SLC25A48: variants seen among roughly 807,000 people sequenced by gnomAD.
SLC25A48 encodes CTC-321K16.1.
Under a neutral mutation model 32.2 loss-of-function variants are expected in SLC25A48, and 29 were observed. That is an observed-to-expected ratio of 0.90 (90% CI 0.67 to 1.23). The LOEUF is 1.23. Ranked by LOEUF, SLC25A48 falls within the 50% of genes most tolerant of loss-of-function variation. SLC25A48 has a pLI of 0.00. For missense variants in SLC25A48, 399 were observed against 422.7 expected (o/e 0.94, Z 0.49); for synonymous variants, 164 against 172.3 (o/e 0.95, Z 0.38).
intron 3 of SLC25A48, among the ~76,000 whole-genome samples, chr5:135,770,198 G>A (rs1269819917): frequency 1.3e-5 from 2 of 151,612 alleles, no homozygotes; most frequent in East Asian, 3.9e-4. Flanking sequence ...AATATCGCAG[G>A]GGGTGTACAC....
At chr5:135,797,319 A>G (rs1294897937) in intron 3 of SLC25A48, among the ~76,000 whole-genome samples, 1 of 151,930 alleles carries the variant, frequency 6.6e-6, no homozygotes, top group Non-Finnish European at 1.5e-5. Flanking sequence ...TCTAATATCC[A>G]CAGAAGGATA....
In SLC25A48 at chr5:135,852,898, T is replaced by C; in HGVS notation, c.421+77T>C. The C allele has an allele frequency of 4.0e-6, 6 of 1,507,736 alleles. No homozygotes were observed. The South Asian group carries it at 7.8e-5, about 20-fold the overall frequency. The allele number at this position is 1,507,736 out of a possible 1,614,324, so 93.4% of individuals were successfully genotyped here. On this transcript the variant is annotated intron_variant, in intron 4 of 7. Transcript: ENST00000681962. Reference sequence around the variant, plus strand: ...TGGTTTGTGGGATCTGGGACATGGTTGTTAAAATCCTTTTATTGAGCAAGG... The same window carrying C: ...TGGTTTGTGGGATCTGGGACATGGTCGTTAAAATCCTTTTATTGAGCAAGG...
chr5:135,786,332 C>CGTGTGTGT (rs1756848687), intron 3 of SLC25A48, among the ~76,000 whole-genome samples: 1 of 151,966 alleles, frequency 6.6e-6, no homozygotes, highest in African/African-American at 2.4e-5. Context: ...GTGTGTACAC[C>CGTGTGTGT]ATGTGTGTAC....
chr5:135,714,032 A>T (rs17168963), intron 3 of SLC25A48, among the ~76,000 whole-genome samples: 8,972 of 152,250 alleles, frequency 0.059, 411 homozygotes, highest in African/African-American at 0.13. Context: ...GGCTTATTGA[A>T]AATGGTCTCC....
At chr5:135,787,696 C>G (rs537466917) in intron 3 of SLC25A48, among the ~76,000 whole-genome samples, 1 of 151,656 alleles carries the variant, frequency 6.6e-6, no homozygotes, top group East Asian at 1.9e-4. Context: ...TGGGGGTGTA[C>G]ACTGTGATAT....
At chr5:135,656,255 C>T (rs1370798437) in intron 3 of SLC25A48, among the ~76,000 whole-genome samples, 1 of 151,334 alleles carries the variant, frequency 6.6e-6, no homozygotes, top group Admixed American at 6.6e-5. Flanking sequence ...GTTCTCAGGA[C>T]CACATTGGCC....
intron 1 of SLC25A48, among the ~76,000 whole-genome samples, chr5:135,620,223 C>G (rs1752292332): frequency 6.6e-6 from 1 of 152,110 alleles, no homozygotes; most frequent in African/African-American, 2.4e-5. Context: ...GTTGATTGGA[C>G]CTGACTTCAG....
At chr5:135,711,414 G>T (rs1043044016) in intron 3 of SLC25A48, among the ~76,000 whole-genome samples, 1 of 152,156 alleles carries the variant, frequency 6.6e-6, no homozygotes, top group Non-Finnish European at 1.5e-5. Context: ...ACCATTCGTA[G>T]CTTCAAATAT....
chr5:135,831,002 G>A (rs1454705148), upstream of SLC25A48, among the ~76,000 whole-genome samples: 1 of 152,184 alleles, frequency 6.6e-6, no homozygotes, highest in Non-Finnish European at 1.5e-5. Context: ...TGAGGGGCCT[G>A]GGGAGGCCTC....
intron 1 of SLC25A48, among the ~76,000 whole-genome samples, chr5:135,620,553 C>T (rs1752302960): frequency 6.6e-6 from 1 of 152,130 alleles, no homozygotes; most frequent in Non-Finnish European, 1.5e-5. Flanking sequence ...CATACTTCAG[C>T]CCCGCAGCAG....
chr5:135,744,660 C>T (rs1178635645), intron 3 of SLC25A48, among the ~76,000 whole-genome samples: 3 of 152,092 alleles, frequency 2.0e-5, no homozygotes, highest in African/African-American at 7.2e-5. Flanking sequence ...GATGAGGAAC[C>T]AGAAGCTCAG....
chr5:135,823,831 G>C (rs1360131744), intron 4 of SLC25A48, among the ~76,000 whole-genome samples: 1 of 152,220 alleles, frequency 6.6e-6, no homozygotes, highest in Non-Finnish European at 1.5e-5. Flanking sequence ...ACTCTGGGCA[G>C]AAGCATTAGC....
rs114384787 is a variant in SLC25A48 at position 135,634,242 on chromosome 5, A to G, written c.-708-527A>G. On this transcript the variant is annotated intron_variant, in intron 2 of 10. Coordinates refer to the SLC25A48 transcript ENST00000646290. ...GTGGTGGACACTTCTGTTAACGGCC[A>G]AGGAGACGATGCTGGCACAGGGTCC... Among the ~76,000 whole-genome samples, 632 of 152,352 alleles carry G rather than the reference A, an allele frequency of 4.1e-3. 4 individuals carry two copies. Among genetic ancestry groups the G allele is most frequent in the African/African-American group, 0.014 (594 of 41,586 alleles).
chr5:135,740,683 C>CA (rs1027074156), intron 3 of SLC25A48, among the ~76,000 whole-genome samples: 1 of 152,052 alleles, frequency 6.6e-6, no homozygotes, highest in Admixed American at 6.5e-5. Context: ...AACCCAGCCT[C>CA]AAAAAAGCCA....
At chr5:135,650,549 G>T in intron 3 of SLC25A48, 1 of 332,068 alleles carries the variant, frequency 3.0e-6, no homozygotes, top group Non-Finnish European at 5.6e-6. Flanking sequence ...AGTCACTGAT[G>T]GAGTGGAACT....
chr5:135,805,550 A>G (rs1757443143), intron 3 of SLC25A48, among the ~76,000 whole-genome samples: 1 of 151,710 alleles, frequency 6.6e-6, no homozygotes, highest in Admixed American at 6.6e-5. Flanking sequence ...CTGTGATATT[A>G]GTTATAACAT....
intron 3 of SLC25A48, among the ~76,000 whole-genome samples, chr5:135,696,109 C>T (rs1235152569): frequency 6.6e-6 from 1 of 152,206 alleles, no homozygotes; most frequent in African/African-American, 2.4e-5. Flanking sequence ...GTAAACAGTG[C>T]AACACATGCA....
At chr5:135,602,035 C>G (rs1447057196) in intron 1 of SLC25A48, among the ~76,000 whole-genome samples, 2 of 152,224 alleles carry the variant, frequency 1.3e-5, no homozygotes, top group Non-Finnish European at 2.9e-5. Flanking sequence ...GTGCACCTGT[C>G]TCTGGCACAT....
chr5:135,665,496 A>G (rs1433427360), intron 3 of SLC25A48, among the ~76,000 whole-genome samples: 2 of 151,920 alleles, frequency 1.3e-5, no homozygotes, highest in African/African-American at 4.8e-5. Context: ...GGTCTTAGTC[A>G]TGAATTCTTT....
Sources: allele counts gnomAD v4.1 joint callset (sites outside exome capture counted in the v4.1 genomes callset), GRCh38; gene constraint gnomAD v4.1.1; transcripts MANE v1.5; gene names NCBI Gene and HGNC (gene_info 2026-07-23, HGNC 2026-07-21).